Variants in KDM4C observed in about 807,000 individuals in gnomAD.
The protein encoded by KDM4C is lysine-specific demethylase 4C.
KDM4C carries 81 observed loss-of-function variants against 129.3 expected under a neutral mutation model. The observed-to-expected ratio is 0.63, with a 90% CI of 0.52 to 0.75. The LOEUF (loss-of-function observed/expected upper bound fraction) is 0.75, where lower values mean the gene tolerates loss of function less well. Among genes scored for constraint, KDM4C ranks in the 30% least tolerant of loss-of-function variants. KDM4C has a pLI of 0.00. For missense variants in KDM4C, 1,457 were observed against 1,304.0 expected (o/e 1.12, Z -1.81); for synonymous variants, 573 against 456.1 (o/e 1.26, Z -3.26).
At chr9:6,978,109 C>T (rs558503710) in intron 8 of KDM4C, among the ~76,000 whole-genome samples, 2 of 152,088 alleles carry the variant, frequency 1.3e-5, no homozygotes, top group Non-Finnish European at 2.9e-5. Context: ...CTATTGTCAG[C>T]CCCATGAGGA....
chr9:7,149,874 G>A (rs1489782623), intron 19 of KDM4C, among the ~76,000 whole-genome samples: 1 of 152,230 alleles, frequency 6.6e-6, no homozygotes, highest in East Asian at 1.9e-4. Flanking sequence ...AAGGATCTAA[G>A]AGGAAGTGTC....
At chr9:6,779,303 A>G (rs1823805675) in intron 1 of KDM4C, among the ~76,000 whole-genome samples, 1 of 152,192 alleles carries the variant, frequency 6.6e-6, no homozygotes. Flanking sequence ...GGCGTGAGCC[A>G]CCGTGCCTGG....
intron 8 of KDM4C, among the ~76,000 whole-genome samples, chr9:6,904,954 C>G (rs1818053421): frequency 2.0e-5 from 3 of 151,934 alleles, no homozygotes; most frequent in Admixed American, 2.0e-4. Context: ...CTACATTAAA[C>G]AAAAAACAAA....
At chr9:6,909,037 T>G (rs1818819944) in intron 8 of KDM4C, among the ~76,000 whole-genome samples, 1 of 152,252 alleles carries the variant, frequency 6.6e-6, no homozygotes, top group Non-Finnish European at 1.5e-5. Context: ...CATTCTCCCA[T>G]TTTTGTTTAC....
At chr9:7,096,701 G>C (rs6477153) in intron 17 of KDM4C, among the ~76,000 whole-genome samples, 63,853 of 151,890 alleles carry the variant, frequency 0.42, 14,228 homozygotes, top group African/African-American at 0.56. Context: ...TCGTCCAACT[G>C]TAAAGGAGCA....
chr9:6,859,176 T>C (rs1014570222), intron 5 of KDM4C, among the ~76,000 whole-genome samples: 2 of 152,136 alleles, frequency 1.3e-5, no homozygotes, highest in Non-Finnish European at 2.9e-5. Flanking sequence ...TACTAATCAC[T>C]GTTAGAAATC....
chr9:7,170,324 C>G (rs1287252300), intron 21 of KDM4C: 2 of 1,023,772 alleles, frequency 2.0e-6, no homozygotes, highest in Non-Finnish European at 2.3e-6. Context: ...CATGGATTGA[C>G]TACCTTCTGT....
At position 7,059,505 on chromosome 9, in the gene KDM4C, T is replaced by C. The variant is rs74568652; in HGVS notation, c.2424+10305T>C. On this transcript the variant is annotated intron_variant, in intron 17 of 21. Transcript: ENST00000381309. ...GATAGACTAGTGGATTTTAAGCTAC[T>C]GCAGTACATGGTATGAAAAGTTCAT... Among the ~76,000 whole-genome samples the C allele has an allele frequency of 2.3e-3, 352 of 152,370 alleles. 2 individuals are homozygous for C. The highest frequency in any genetic ancestry group is 7.3e-3 in the African/African-American group (304 of 41,588).
chr9:6,800,670 A>T (rs530279944), intron 2 of KDM4C, among the ~76,000 whole-genome samples: 1 of 152,270 alleles, frequency 6.6e-6, no homozygotes, highest in East Asian at 1.9e-4. Context: ...TCTGTCACCC[A>T]GGCTGGAGCG....
intron 10 of KDM4C, among the ~76,000 whole-genome samples, chr9:6,984,768 G>T (rs922650119): frequency 6.6e-6 from 1 of 151,834 alleles, no homozygotes; most frequent in African/African-American, 2.4e-5. Context: ...ATTCTTTGTA[G>T]ATTCTTAGCT....
intron 1 of KDM4C, among the ~76,000 whole-genome samples, chr9:6,732,079 A>C (rs1817353606): frequency 6.6e-6 from 1 of 152,010 alleles, no homozygotes; most frequent in Non-Finnish European, 1.5e-5. Flanking sequence ...TCAAAGAATG[A>C]GGCTGGGGCT....
chr9:7,042,321 C>T (rs1192321392), intron 15 of KDM4C, among the ~76,000 whole-genome samples: 1 of 152,032 alleles, frequency 6.6e-6, no homozygotes, highest in Non-Finnish European at 1.5e-5. Context: ...ACTGTTGTTC[C>T]TCTCAGTTAA....
chr9:7,080,566 T>C (rs767610249), intron 17 of KDM4C, among the ~76,000 whole-genome samples: 3 of 152,228 alleles, frequency 2.0e-5, no homozygotes, highest in Non-Finnish European at 2.9e-5. Flanking sequence ...TCAGACTTTT[T>C]CAGATAAAAA....
chr9:7,109,658 G>C (rs1307906177), intron 18 of KDM4C, among the ~76,000 whole-genome samples: 1 of 152,136 alleles, frequency 6.6e-6, no homozygotes, highest in Non-Finnish European at 1.5e-5. Flanking sequence ...TATGTTACTT[G>C]ACTCTTTTAA....
chr9:6,925,122 A>T (rs1457648177), intron 8 of KDM4C: 103 of 985,228 alleles, frequency 1.0e-4, no homozygotes, highest in Non-Finnish European at 1.2e-4. Flanking sequence ...TTCCTCTTTG[A>T]ACTCTTTCAT....
At chr9:7,080,092 C>T (rs1023445905) in intron 17 of KDM4C, among the ~76,000 whole-genome samples, 2 of 152,102 alleles carry the variant, frequency 1.3e-5, no homozygotes, top group East Asian at 3.9e-4. Context: ...ATTTATGTAC[C>T]TTATCCACTA....
chr9:6,772,249 A>G (rs1343037874), intron 1 of KDM4C, among the ~76,000 whole-genome samples: 1 of 152,020 alleles, frequency 6.6e-6, no homozygotes, highest in Non-Finnish European at 1.5e-5. Context: ...TCCTGGGTTC[A>G]AGCAATTCTG....
chr9:7,105,460 C>T lies in KDM4C; in HGVS notation c.2610+1590C>T, dbSNP rs1182021181. The T allele has an allele frequency of 2.5e-5, 12 of 470,824 alleles. No individual in the cohort carries two copies. In the Admixed American group the frequency reaches 2.8e-4, roughly 11 times the overall value. 29.2% of individuals were successfully genotyped at this position (470,824 alleles called of 1,614,324 possible). ...AGTTGTATTGCTACTACTACTTCTG[C>T]TGCTGCTGCTGGTGCTACAATCTTA... is the stretch of plus-strand genomic sequence containing the variant. On this transcript the variant is annotated intron_variant, in intron 18 of 21. Transcript: ENST00000381309.
At chr9:7,159,308 A>G (rs1056657449) in intron 19 of KDM4C, among the ~76,000 whole-genome samples, 5 of 152,178 alleles carry the variant, frequency 3.3e-5, no homozygotes, top group Admixed American at 6.5e-5. Context: ...GTGTCTTTCA[A>G]TTGGGGCATT....
Sources: gnomAD v4.1 joint callset for allele counts (sites outside exome capture counted in the v4.1 genomes callset) on GRCh38, gnomAD v4.1.1 for gene constraint, MANE v1.5 for transcripts, NCBI Gene and HGNC (gene_info 2026-07-23, HGNC 2026-07-21) for gene names.